The following ZBBX variants were observed in gnomAD, a reference collection of about 807,000 sequenced individuals.
ZBBX encodes zinc finger B-box domain-containing protein 1.
ZBBX carries 101 observed loss-of-function variants against 108.5 expected under a neutral mutation model. The ratio of observed to expected loss-of-function variants is 0.93; its 90% CI spans 0.79 to 1.10. The LOEUF (loss-of-function observed/expected upper bound fraction) is 1.10, where lower values mean the gene tolerates loss of function less well. Ranked by LOEUF, ZBBX falls within the 50% of genes least tolerant of loss-of-function variation. The pLI, the probability that ZBBX is intolerant of heterozygous loss-of-function variation, is 0.00. For missense variants in ZBBX, 1,009 were observed against 941.4 expected (o/e 1.07, Z -0.94); for synonymous variants, 356 against 323.4 (o/e 1.10, Z -1.08).
exon 1 of ZBBX, among the ~76,000 whole-genome samples, chr3:167,407,781 G>A (rs1057422980): frequency 1.6e-4 from 25 of 151,974 alleles, no homozygotes; most frequent in African/African-American, 5.8e-4. Context: ...CTGATTCAGG[G>A]GTGGCAGAGG....
At chr3:167,297,702 C>T (rs1731911120) in intron 18 of ZBBX, among the ~76,000 whole-genome samples, 1 of 151,408 alleles carries the variant, frequency 6.6e-6, no homozygotes, top group Admixed American at 6.6e-5. Context: ...AACAAATAAC[C>T]CAATTAAAAT....
At chr3:167,280,205 A>G (rs544016866) in intron 20 of ZBBX, among the ~76,000 whole-genome samples, 1 of 152,288 alleles carries the variant, frequency 6.6e-6, no homozygotes, top group South Asian at 2.1e-4. Flanking sequence ...CTTCATGTCT[A>G]AAACACCAAA....
In ZBBX at chr3:167,327,971, T is replaced by C. The variant is rs78885988; in HGVS notation, c.833A>G (p.Lys278Arg). The change falls in exon 11 of 22, where the codon AAG becomes AGG. Residue 278 changes from lysine to arginine, a missense_variant. Physicochemically the swap from Lys to Arg is conservative, Grantham distance 26 (BLOSUM62 2). Transcript: ENST00000675490. Reference protein sequence around the residue: ...QWRTGNHDDNKKQNLHAAVKD... With the variant: ...QWRTGNHDDNRKQNLHAAVKD... The stretch of plus-strand genomic sequence containing the variant: ...TACTGCTGCATGTAAATTCTGTTTC[T>C]TGTTGTCATCATGATTTCCGGTTCT... 10,381 of 1,611,930 alleles carry C rather than the reference T, an allele frequency of 6.4e-3. 50 individuals carry two copies. Among genetic ancestry groups the C allele is most frequent in the Non-Finnish European group, 8.3e-3 (9,763 of 1,179,550 alleles).
intron 20 of ZBBX, among the ~76,000 whole-genome samples, chr3:167,255,553 C>T (rs1286504675): frequency 2.0e-5 from 3 of 151,876 alleles, no homozygotes; most frequent in African/African-American, 7.3e-5. Flanking sequence ...AACAAATGAG[C>T]CCTCATCTTT....
upstream of ZBBX, among the ~76,000 whole-genome samples, chr3:167,382,241 GCC>G (rs1380635628): frequency 6.6e-6 from 1 of 152,168 alleles, no homozygotes; most frequent in Non-Finnish European, 1.5e-5. Context: ...CAAAAACTAA[GCC>G]TATGCTAAGT....
At chr3:167,333,791 T>C (rs1465370562) in intron 10 of ZBBX, 36 bp downstream of exon 10, 1 of 1,517,332 alleles carries the variant, frequency 6.6e-7, no homozygotes, top group Non-Finnish European at 8.8e-7. Flanking sequence ...TAGTTACATA[T>C]GTCAGAAAAT....
chr3:167,258,022 A>T (rs1723828568), intron 20 of ZBBX, among the ~76,000 whole-genome samples: 1 of 151,978 alleles, frequency 6.6e-6, no homozygotes, highest in Admixed American at 6.6e-5. Flanking sequence ...TCAGCTATTT[A>T]TCTTTGTTTT....
chr3:167,200,926 GA>G, the ZBBX span, among the ~76,000 whole-genome samples: 1 of 152,104 alleles, frequency 6.6e-6, no homozygotes, highest in African/African-American at 2.4e-5. Context: ...TTACAAGATG[GA>G]TAAGATGGAA....
rs1479193690 is a variant in ZBBX, at chr3:167,240,780, G to T, written c.*13C>A. The stretch of plus-strand genomic sequence containing the variant: ...CTGGGTACAAAATGGAAACAGTAAT[G>T]AACAAATAATCTTTAAGTACTCTTT... On this transcript the variant is annotated 3_prime_UTR_variant, in exon 22 of 22. Coordinates refer to ENST00000675490, the MANE Select transcript of ZBBX (RefSeq NM_001199201.2). 1.2e-6 allele frequency: 2 copies of T among 1,610,354 alleles called. No homozygotes were observed. Among genetic ancestry groups the T allele is most frequent in the African/African-American group, 1.3e-5 (1 of 74,864 alleles).
At chr3:167,289,056 T>A in intron 18 of ZBBX, 73 bp from the exon 19 acceptor site, 1 of 970,988 alleles carries the variant, frequency 1.0e-6, no homozygotes, top group Non-Finnish European at 1.5e-6. Context: ...TTTATATTTA[T>A]GTCTTACTGG....
chr3:167,277,454 C>T (rs985895414), intron 20 of ZBBX, among the ~76,000 whole-genome samples: 2 of 152,166 alleles, frequency 1.3e-5, no homozygotes, highest in African/African-American at 4.8e-5. Flanking sequence ...CAATCCTAGT[C>T]TCTGATAAAA....
chr3:167,306,979 G>T (rs1316502707), intron 16 of ZBBX, among the ~76,000 whole-genome samples: 1 of 152,072 alleles, frequency 6.6e-6, no homozygotes, highest in Non-Finnish European at 1.5e-5. Flanking sequence ...ACCAATTTCA[G>T]ATAGTATTTA....
chr3:167,254,112 T>C (rs781407123), intron 20 of ZBBX, among the ~76,000 whole-genome samples: 6 of 152,188 alleles, frequency 3.9e-5, no homozygotes, highest in Admixed American at 1.3e-4. Context: ...TTGTATCTTG[T>C]AATGTGAGCT....
At chr3:167,256,151 T>C (rs1176256360) in intron 20 of ZBBX, among the ~76,000 whole-genome samples, 1 of 152,188 alleles carries the variant, frequency 6.6e-6, no homozygotes, top group Non-Finnish European at 1.5e-5. Flanking sequence ...TCCTCTTTTA[T>C]GATTGAATAA....
chr3:167,258,043 G>T (rs1169430389), intron 20 of ZBBX, among the ~76,000 whole-genome samples: 1 of 152,058 alleles, frequency 6.6e-6, no homozygotes, highest in Admixed American at 6.6e-5. Context: ...TATTGCATTT[G>T]CTTTTGGGTT....
chr3:167,363,081 C>T (rs1744777878), intron 6 of ZBBX, among the ~76,000 whole-genome samples: 1 of 151,986 alleles, frequency 6.6e-6, no homozygotes, highest in South Asian at 2.1e-4. Context: ...TTCTGAATAG[C>T]CACACCTTCA....
the ZBBX span, among the ~76,000 whole-genome samples, chr3:167,211,178 G>A: frequency 8.5e-5 from 13 of 152,192 alleles, no homozygotes; most frequent in Non-Finnish European, 1.9e-4. Context: ...CCCAGCCCAG[G>A]AAAGTGGTAA....
chr3:167,182,414 T>C, the ZBBX span, among the ~76,000 whole-genome samples: 917 of 152,314 alleles, frequency 6.0e-3, 10 homozygotes, highest in African/African-American at 0.021. Flanking sequence ...TTTAAGAGAC[T>C]CCTATATCTG....
At chr3:167,371,442 T>C (rs1372905952) in intron 4 of ZBBX, among the ~76,000 whole-genome samples, 1 of 152,204 alleles carries the variant, frequency 6.6e-6, no homozygotes, top group Non-Finnish European at 1.5e-5. Context: ...TGTTCTCTCC[T>C]AGTCCCTTGC....
Sources: allele counts gnomAD v4.1 joint callset (sites outside exome capture counted in the v4.1 genomes callset), GRCh38; gene constraint gnomAD v4.1.1; transcripts MANE v1.5; gene names NCBI Gene and HGNC (gene_info 2026-07-23, HGNC 2026-07-21).